Variants in ANTXR2 observed in about 807,000 individuals in gnomAD.
ANTXR2 encodes the protein ANTXR cell adhesion molecule 2.
ANTXR2 carries 44 observed loss-of-function variants against 73.7 expected under a neutral mutation model. That is an observed-to-expected ratio of 0.60 (90% CI 0.47 to 0.77). ANTXR2 has a LOEUF of 0.77. Ranked by LOEUF, ANTXR2 falls within the 30% of genes least tolerant of loss-of-function variation. The pLI is 0.00. For synonymous variants in ANTXR2, 217 were observed against 205.9 expected (o/e 1.05, Z -0.46); for missense variants, 604 against 592.5 (o/e 1.02, Z -0.20).
intron 7 of ANTXR2, among the ~76,000 whole-genome samples, chr4:80,050,295 A>G (rs1246498359): frequency 6.6e-6 from 1 of 151,586 alleles, no homozygotes; most frequent in Admixed American, 6.6e-5. Context: ...CAAATGCTTG[A>G]CTTTGTGTGC....
chr4:80,049,525 T>C (rs1733678829), intron 7 of ANTXR2, among the ~76,000 whole-genome samples: 2 of 151,716 alleles, frequency 1.3e-5, no homozygotes, highest in Admixed American at 6.6e-5. Context: ...ATAATGACAG[T>C]AGGGTTTTCT....
At chr4:79,952,809 CTTAT>C (rs932117238) in intron 16 of ANTXR2, among the ~76,000 whole-genome samples, 12 of 151,358 alleles carry the variant, frequency 7.9e-5, no homozygotes, top group Non-Finnish European at 1.3e-4. Flanking sequence ...TAAAAACCAT[CTTAT>C]TATTATTAAT....
At chr4:79,946,376 T>C (rs1728512625) in intron 16 of ANTXR2, among the ~76,000 whole-genome samples, 1 of 152,164 alleles carries the variant, frequency 6.6e-6, no homozygotes. Flanking sequence ...GCAGTAGGAT[T>C]TGGCAAAAGG....
At chr4:79,965,658 G>C (rs1319811511) in intron 16 of ANTXR2, among the ~76,000 whole-genome samples, 1 of 152,122 alleles carries the variant, frequency 6.6e-6, no homozygotes, top group African/African-American at 2.4e-5. Context: ...AAAATTATTT[G>C]CAAGATATAT....
At chr4:80,055,752 T>G (rs1196389955) in intron 4 of ANTXR2, among the ~76,000 whole-genome samples, 180 bp downstream of exon 4, 1 of 151,882 alleles carries the variant, frequency 6.6e-6, no homozygotes, top group Non-Finnish European at 1.5e-5. Context: ...CCATCTTAAC[T>G]TTTCTCATCA....
chr4:79,947,472 T>A (rs1474370056), intron 16 of ANTXR2, among the ~76,000 whole-genome samples: 1 of 152,128 alleles, frequency 6.6e-6, no homozygotes, highest in African/African-American at 2.4e-5. Context: ...AAAAGTTTTT[T>A]ATTTTGCCCC....
intron 16 of ANTXR2, among the ~76,000 whole-genome samples, chr4:79,913,477 G>A (rs1727225093): frequency 6.6e-6 from 1 of 152,096 alleles, no homozygotes; most frequent in South Asian, 2.1e-4. Context: ...CTCATGTCCT[G>A]TGCATGCTGG....
intron 16 of ANTXR2, among the ~76,000 whole-genome samples, chr4:79,958,548 T>C (rs1729012121): frequency 6.6e-6 from 1 of 152,146 alleles, no homozygotes; most frequent in Non-Finnish European, 1.5e-5. Flanking sequence ...CTCTCATTCA[T>C]GAGCCCCTCC....
chr4:79,925,951 G>A (rs565279484), intron 16 of ANTXR2, among the ~76,000 whole-genome samples: 4 of 152,104 alleles, frequency 2.6e-5, no homozygotes, highest in South Asian at 2.1e-4. Flanking sequence ...AGAAAAAGAC[G>A]AACTATACCT....
intron 16 of ANTXR2, among the ~76,000 whole-genome samples, chr4:79,910,507 CAA>C (rs144527286): frequency 2.3e-3 from 223 of 95,630 alleles, no homozygotes; most frequent in African/African-American, 5.9e-3. Flanking sequence ...GACTCCGTCT[CAA>C]AAAAAAAAAA....
chr4:79,952,999 T>A (rs1485441969), intron 16 of ANTXR2, among the ~76,000 whole-genome samples: 1 of 152,078 alleles, frequency 6.6e-6, no homozygotes, highest in Non-Finnish European at 1.5e-5. Context: ...AACAACAAGT[T>A]CTATGACAGC....
At chr4:80,001,005 G>T (rs1731003332) in intron 12 of ANTXR2, among the ~76,000 whole-genome samples, 1 of 151,996 alleles carries the variant, frequency 6.6e-6, no homozygotes, top group African/African-American at 2.4e-5. Context: ...TCTGAAAATT[G>T]TAAACCCGTC....
intron 16 of ANTXR2, among the ~76,000 whole-genome samples, chr4:79,926,687 T>C (rs1282892652): frequency 6.6e-6 from 1 of 152,132 alleles, no homozygotes; most frequent in African/African-American, 2.4e-5. Context: ...TACTCTAACT[T>C]ATTATCTAAG....
intron 3 of ANTXR2, among the ~76,000 whole-genome samples, chr4:80,057,673 G>C (rs968076711): frequency 2.6e-5 from 4 of 151,010 alleles, no homozygotes; most frequent in African/African-American, 9.7e-5. Flanking sequence ...AAGCTTTCTA[G>C]TCATACTCAT....
rs188244345 is a variant in ANTXR2 at position 80,056,072 on chromosome 4, C to T, written c.297-59G>A. The T allele has an allele frequency of 5.4e-5, 66 of 1,218,778 alleles. No individual in the cohort carries two copies. In the African/African-American group the frequency reaches 8.6e-4, roughly 16 times the overall value. 75.5% of individuals were successfully genotyped at this position (1,218,778 alleles called of 1,614,324 possible). On this transcript the variant is annotated intron_variant, in intron 3 of 16. Coordinates refer to ENST00000403729, the MANE Select transcript of ANTXR2 (RefSeq NM_058172.6). ...CAAAGAGCAAAGGTAACAATAAACACTTCTTAAAAAACATGGCAGTATTGT... is the reference window on the plus strand; with the variant it reads ...CAAAGAGCAAAGGTAACAATAAACATTTCTTAAAAAACATGGCAGTATTGT...
chr4:79,982,680 A>G (rs576355148), intron 14 of ANTXR2, among the ~76,000 whole-genome samples: 3 of 152,276 alleles, frequency 2.0e-5, no homozygotes, highest in South Asian at 4.1e-4. Context: ...TAACTTCTCC[A>G]AAGAACAGCT....
chr4:79,989,670 A>T (rs1325051926), intron 12 of ANTXR2, among the ~76,000 whole-genome samples: 1 of 152,080 alleles, frequency 6.6e-6, no homozygotes, highest in Non-Finnish European at 1.5e-5. Context: ...GCTGTCAGAG[A>T]TACAATGAAA....
rs942695700 is a variant in ANTXR2, at chr4:79,902,934, G to C, written c.*4495C>G. 1 of 152,202 alleles carries C rather than the reference G, an allele frequency of 6.6e-6. No individual in the cohort carries two copies. The highest frequency in any genetic ancestry group is 2.1e-4 in the South Asian group (1 of 4,826). 9.4% of individuals were successfully genotyped at this position (152,202 alleles called of 1,614,324 possible). The stretch of plus-strand genomic sequence containing the variant: ...GGAGACTGAGGCAGGAGGATCACTT[G>C]AGGCCAGGTGTTTGAGACCAGTCTG... On this transcript the variant is annotated 3_prime_UTR_variant, in exon 17 of 17. Coordinates refer to ENST00000403729, the MANE Select transcript of ANTXR2 (RefSeq NM_058172.6).
chr4:79,931,275 AT>A (rs1205098763), intron 16 of ANTXR2, among the ~76,000 whole-genome samples: 1 of 152,234 alleles, frequency 6.6e-6, no homozygotes, highest in Non-Finnish European at 1.5e-5. Context: ...TTGCCTAAAA[AT>A]AAATAGGTAT....
Sources: allele counts gnomAD v4.1 joint callset (sites outside exome capture counted in the v4.1 genomes callset), GRCh38; gene constraint gnomAD v4.1.1; transcripts MANE v1.5; gene names NCBI Gene and HGNC (gene_info 2026-07-23, HGNC 2026-07-21).